KCNQ1OT1: variants seen among roughly 807,000 people sequenced by gnomAD.
KCNQ1OT1 encodes KCNQ1 opposite strand/antisense transcript 1, also known as KCNQ1 antisense RNA 2 (non-protein coding).
chr11:2,625,888 T>G (rs1291899055), exon 1 of KCNQ1OT1: 1 of 398,496 alleles, frequency 2.5e-6, no homozygotes, highest in East Asian at 3.6e-5. Flanking sequence ...ATTTTTCAGG[T>G]GCATTGTTTT....
Position 2,657,188 on chromosome 11 carries a change from T to C in KCNQ1OT1, n.42807A>G, listed in dbSNP as rs537772938. On this transcript the variant is annotated non_coding_transcript_exon_variant, in exon 1 of 1. Coordinates refer to ENST00000597346, the Ensembl canonical transcript of KCNQ1OT1. The surrounding 1 kb of genome is among the most constrained non-coding windows in gnomAD (Gnocchi z 4.8). ...CCCACCTTGTTCTTCTTCAAGAATA[T>C]TGCCAATTCTTGGCTTTTTGCACTT... 1.3e-5 allele frequency: 5 copies of C among 398,660 alleles called. No homozygotes were observed. In the Admixed American group the frequency reaches 1.8e-4, roughly 14 times the overall value. 24.7% of individuals were successfully genotyped at this position (398,660 alleles called of 1,614,324 possible).
Position 2,664,976 on chromosome 11 carries a change from G to A in KCNQ1OT1, n.35019C>T, listed in dbSNP as rs556288596. ...TAGCCTTGATTACGGGAAGGTCCCTGGGGCTGGGCGAAGCTCCTCTTTCCG... is the reference window on the plus strand; with the variant it reads ...TAGCCTTGATTACGGGAAGGTCCCTAGGGCTGGGCGAAGCTCCTCTTTCCG... On this transcript the variant is annotated non_coding_transcript_exon_variant, in exon 1 of 1. Transcript: ENST00000597346. This position sits in a 1 kb window ranked among gnomAD's most constrained non-coding sequence, Gnocchi z 5.1. 301 of 398,540 alleles carry A rather than the reference G, an allele frequency of 7.6e-4. No homozygotes were observed. Among genetic ancestry groups the A allele is most frequent in the Non-Finnish European group, 1.2e-3 (266 of 226,132 alleles). 24.7% of individuals were successfully genotyped at this position (398,540 alleles called of 1,614,324 possible).
At chr11:2,641,902 T>C in exon 1 of KCNQ1OT1, 2 of 398,490 alleles carry the variant, frequency 5.0e-6, no homozygotes, top group Non-Finnish European at 8.9e-6. Flanking sequence ...CTTTTCCCAG[T>C]GTATGTTCTT....
Position 2,679,290 on chromosome 11 carries a change from C to T in KCNQ1OT1, n.20705G>A, listed in dbSNP as rs1021671706. ...TCCTTTACTAATCCATAGCCAAAGA[C>T]AGGGGCTAATAACAGGGTCTGGAGT... On this transcript the variant is annotated non_coding_transcript_exon_variant, in exon 1 of 1. Coordinates refer to ENST00000597346, the Ensembl canonical transcript of KCNQ1OT1. This position sits in a 1 kb window ranked among gnomAD's most constrained non-coding sequence, Gnocchi z 4.8. 2 of 398,534 alleles carry T rather than the reference C, an allele frequency of 5.0e-6. No individual in the cohort carries two copies. The highest frequency in any genetic ancestry group is 4.1e-5 in the African/African-American group (2 of 48,630). 24.7% of individuals were successfully genotyped at this position (398,534 alleles called of 1,614,324 possible).
In KCNQ1OT1 at chr11:2,678,219, CT is replaced by C. The variant is rs1190427885; in HGVS notation, n.21775del. On this transcript the variant is annotated non_coding_transcript_exon_variant, in exon 1 of 1. Transcript: ENST00000597346. This position sits in a 1 kb window ranked among gnomAD's most constrained non-coding sequence, Gnocchi z 4.9. ...ATTTCACATAGTCAGCTGTGTCAGT[CT>C]TTTATGGTTTGAGGTCCTTATCTTA... 2 of 398,184 alleles carry C rather than the reference CT, an allele frequency of 5.0e-6. No individual in the cohort carries two copies. The highest frequency in any genetic ancestry group is 8.9e-6 in the Non-Finnish European group (2 of 225,950). The allele number at this position is 398,184 out of a possible 1,614,324, so 24.7% of individuals were successfully genotyped here.
chr11:2,690,489 C>A lies in KCNQ1OT1; in HGVS notation n.9506G>T, dbSNP rs970638882. The A allele has an allele frequency of 2.5e-6, 1 of 398,598 alleles. No individual in the cohort carries two copies. Among genetic ancestry groups the A allele is most frequent in the East Asian group, 3.6e-5 (1 of 28,086 alleles). 24.7% of individuals were successfully genotyped at this position (398,598 alleles called of 1,614,324 possible). A position where few individuals can be genotyped will look rare whatever the true frequency, so the allele number is the denominator to read the frequency against. ...GGGTCCTGGGAACAGCCACTGGGCCCAGTCGGGGGGGTCTCAGCACCTATC... is the reference window on the plus strand; with the variant it reads ...GGGTCCTGGGAACAGCCACTGGGCCAAGTCGGGGGGGTCTCAGCACCTATC... On this transcript the variant is annotated non_coding_transcript_exon_variant, in exon 1 of 1. Transcript: ENST00000597346. The surrounding 1 kb of genome is among the most constrained non-coding windows in gnomAD (Gnocchi z 5.1).
rs1258522154 is a variant in KCNQ1OT1 at position 2,677,771 on chromosome 11, T to G, written n.22224A>C. The stretch of plus-strand genomic sequence containing the variant: ...TCAGTGGATTTACTTTAAGAGATCC[T>G]CCCTTTCCCCCCATTTCCAGCAGGA... On this transcript the variant is annotated non_coding_transcript_exon_variant, in exon 1 of 1. Coordinates refer to ENST00000597346, the Ensembl canonical transcript of KCNQ1OT1. This position sits in a 1 kb window ranked among gnomAD's most constrained non-coding sequence, Gnocchi z 4.5. 5.0e-6 allele frequency: 2 copies of G among 398,474 alleles called. No individual in the cohort carries two copies. Among genetic ancestry groups the G allele is most frequent in the African/African-American group, 4.1e-5 (2 of 48,646 alleles). The allele number at this position is 398,474 out of a possible 1,614,324, so 24.7% of individuals were successfully genotyped here.
chr11:2,640,813 A>G (rs1292759747), exon 1 of KCNQ1OT1: 1 of 398,200 alleles, frequency 2.5e-6, no homozygotes, highest in African/African-American at 2.1e-5. Context: ...CCACTAACCA[A>G]CCTCTCTTCA....
rs1414967991 is a variant in KCNQ1OT1 at position 2,621,178 on chromosome 11, A to G, written n.78817T>C. ...TTTTTAGTAGAGACGGGGTTTCACC[A>G]TGTTGGCCAGGATGGTCTCGAATAC... On this transcript the variant is annotated non_coding_transcript_exon_variant, in exon 1 of 1. Coordinates refer to ENST00000597346, the Ensembl canonical transcript of KCNQ1OT1. The surrounding 1 kb of genome is among the most constrained non-coding windows in gnomAD (Gnocchi z 5.7). The G allele has an allele frequency of 2.5e-5, 10 of 397,290 alleles. No homozygotes were observed. The highest frequency in any genetic ancestry group is 4.4e-5 in the Admixed American group (1 of 22,676). The allele number at this position is 397,290 out of a possible 1,614,324, so 24.6% of individuals were successfully genotyped here. A position where few individuals can be genotyped will look rare whatever the true frequency, so the allele number is the denominator to read the frequency against.
In KCNQ1OT1 at chr11:2,677,867, C is replaced by T. The variant is rs963824576; in HGVS notation, n.22128G>A. On this transcript the variant is annotated non_coding_transcript_exon_variant, in exon 1 of 1. Transcript: ENST00000597346. The surrounding 1 kb of genome is among the most constrained non-coding windows in gnomAD (Gnocchi z 4.5). ...TGTACCATTTACATCACTTTGACTGCACAAATGCACTTTCTTCCCCCACCC... is the reference window on the plus strand; with the variant it reads ...TGTACCATTTACATCACTTTGACTGTACAAATGCACTTTCTTCCCCCACCC... 1 of 398,356 alleles carries T rather than the reference C, an allele frequency of 2.5e-6. No homozygotes were observed. The highest frequency in any genetic ancestry group is 4.4e-6 in the Non-Finnish European group (1 of 226,026). 24.7% of individuals were successfully genotyped at this position (398,356 alleles called of 1,614,324 possible). A position where few individuals can be genotyped will look rare whatever the true frequency, so the allele number is the denominator to read the frequency against.
exon 1 of KCNQ1OT1, chr11:2,667,634 C>T (rs1412190544): frequency 1.5e-5 from 6 of 398,644 alleles, no homozygotes; most frequent in Middle Eastern, 6.3e-4. Flanking sequence ...GTGTGCTCTG[C>T]TGATACCTGA....
rs1849947901 is a variant in KCNQ1OT1, at chr11:2,661,066, TCA to T, written n.38927_38928del. 12 of 397,514 alleles carry T rather than the reference TCA, an allele frequency of 3.0e-5. 1 individual carries two copies. The East Asian group carries it at 3.9e-4, about 13-fold the overall frequency. 24.6% of individuals were successfully genotyped at this position (397,514 alleles called of 1,614,324 possible). ...ATGTTACAGAGTGACAGGAACAGAG[TCA>T]CAGTGACATCCCATGTGCATAAAAG... On this transcript the variant is annotated non_coding_transcript_exon_variant, in exon 1 of 1. Transcript: ENST00000597346. This position sits in a 1 kb window ranked among gnomAD's most constrained non-coding sequence, Gnocchi z 5.9.
At position 2,647,166 on chromosome 11, in the gene KCNQ1OT1, T is replaced by A. The variant is rs143469361; in HGVS notation, n.52829A>T. On this transcript the variant is annotated non_coding_transcript_exon_variant, in exon 1 of 1. Transcript: ENST00000597346. This position sits in a 1 kb window ranked among gnomAD's most constrained non-coding sequence, Gnocchi z 4.0. ...TCCTTCTAGACATTATGTGATGAGC[T>A]TTTTTTTTTATCATGAAGAGATTTT... 2.8e-6 allele frequency: 1 copy of A among 357,478 alleles called. No individual in the cohort carries two copies. Among genetic ancestry groups the A allele is most frequent in the East Asian group, 4.6e-5 (1 of 21,864 alleles). The allele number at this position is 357,478 out of a possible 1,614,324, so 22.1% of individuals were successfully genotyped here.
chr11:2,619,445 T>G (rs1439285602), exon 1 of KCNQ1OT1: 1 of 398,480 alleles, frequency 2.5e-6, no homozygotes, highest in Non-Finnish European at 4.4e-6. Context: ...GGTTTTCATC[T>G]TTCAGTCTGT....
Position 2,623,928 on chromosome 11 carries a change from T to C in KCNQ1OT1, n.76067A>G, listed in dbSNP as rs1042470197. On this transcript the variant is annotated non_coding_transcript_exon_variant, in exon 1 of 1. Transcript: ENST00000597346. The surrounding 1 kb of genome is among the most constrained non-coding windows in gnomAD (Gnocchi z 5.2). ...ATGGATCCTATGATAATTCCATTTTTAATTCTTTGAAGAACCACCAAACTC... is the reference window on the plus strand; with the variant it reads ...ATGGATCCTATGATAATTCCATTTTCAATTCTTTGAAGAACCACCAAACTC... 6 of 398,512 alleles carry C rather than the reference T, an allele frequency of 1.5e-5. No individual in the cohort carries two copies. The highest frequency in any genetic ancestry group is 1.3e-4 in the Admixed American group (3 of 22,718). 24.7% of individuals were successfully genotyped at this position (398,512 alleles called of 1,614,324 possible).
At position 2,673,428 on chromosome 11, in the gene KCNQ1OT1, G is replaced by T; in HGVS notation, n.26567C>A. On this transcript the variant is annotated non_coding_transcript_exon_variant, in exon 1 of 1. Transcript: ENST00000597346. The surrounding 1 kb of genome is among the most constrained non-coding windows in gnomAD (Gnocchi z 4.5). ...TTCTGCCTAGGCACCAGGCCTGGAG[G>T]TTCCAACTTGGTGTTGGGCCTCCTT... is the stretch of plus-strand genomic sequence containing the variant. 2.5e-6 allele frequency: 1 copy of T among 398,692 alleles called. No homozygotes were observed. The highest frequency in any genetic ancestry group is 3.6e-5 in the East Asian group (1 of 28,080). 24.7% of individuals were successfully genotyped at this position (398,692 alleles called of 1,614,324 possible). A position where few individuals can be genotyped will look rare whatever the true frequency, so the allele number is the denominator to read the frequency against.
exon 1 of KCNQ1OT1, chr11:2,640,544 C>A: frequency 5.1e-6 from 2 of 391,322 alleles, no homozygotes; most frequent in Non-Finnish European, 4.4e-6. Flanking sequence ...CCTTGGCCCC[C>A]CAAAGCACTG....
At chr11:2,638,019 T>G (rs1384958358) in exon 1 of KCNQ1OT1, 1 of 152,248 alleles carries the variant, frequency 6.6e-6, no homozygotes, top group African/African-American at 2.4e-5. Flanking sequence ...TTTTTTATTT[T>G]CCATTTGCTT....
At chr11:2,648,981 C>CTTTTTTCTTTTTTTTTT (rs1849710956) in exon 1 of KCNQ1OT1, 1 of 213,304 alleles carries the variant, frequency 4.7e-6, no homozygotes, top group South Asian at 2.8e-4. Context: ...TTTTCTTTTT[C>CTTTTTTCTTTTTTTTTT]TTTTTTTTTT....
Sources: gnomAD v4.1 joint callset for allele counts on GRCh38, gnomAD v4.1.1 for gene constraint, Gnocchi (gnomAD v3.1) non-coding constraint, MANE v1.5 for transcripts, NCBI Gene and HGNC (gene_info 2026-07-23, HGNC 2026-07-21) for gene names.